The following ARRB2 variants were observed in gnomAD, a reference collection of about 807,000 sequenced individuals.
The protein encoded by ARRB2 is arrestin beta 2.
In ARRB2, 21 loss-of-function variants were observed where a neutral mutation model predicts 53.4. The ratio of observed to expected loss-of-function variants is 0.39; its 90% CI spans 0.28 to 0.57. ARRB2 has a LOEUF of 0.57. Ranked by LOEUF, ARRB2 falls within the 20% of genes least tolerant of loss-of-function variation. The probability of loss-of-function intolerance (pLI) is 0.55; values close to 1 mark genes in which losing one functional copy is unlikely to be tolerated. For missense variants in ARRB2, 369 were observed against 527.5 expected, an observed-to-expected ratio of 0.70 and a Z score of 2.94; for synonymous variants, 180 against 212.9, an observed-to-expected ratio of 0.85 and a Z score of 1.34.
chr17:4,718,643 C>T lies in ARRB2; in HGVS notation c.738C>T (p.Ser246=). Residue 246 remains serine (S), a synonymous_variant, in exon 10 of 15, where the codon AGC becomes AGT. Transcript: ENST00000269260. ...VRQYADICLF[S]TAQYKCPVAQ... is the part of the protein sequence containing the mutation. ...AGTACGCCGACATCTGCCTCTTCAGCACCGCCCAGTACAAGTGTCCTGTGG... is the reference window on the plus strand; with the variant it reads ...AGTACGCCGACATCTGCCTCTTCAGTACCGCCCAGTACAAGTGTCCTGTGG... The T allele has an allele frequency of 6.2e-6, 10 of 1,613,840 alleles. No individual in the cohort carries two copies. The highest frequency in any genetic ancestry group is 6.8e-6 in the Non-Finnish European group (8 of 1,180,014).
At chr17:4,711,775 G>A (rs1158680119) in intron 1 of ARRB2, among the ~76,000 whole-genome samples, 1 of 152,164 alleles carries the variant, frequency 6.6e-6, no homozygotes, top group Non-Finnish European at 1.5e-5. Context: ...TTTCCGTCAT[G>A]TGGTTCAGGG....
At chr17:4,720,343 C>A (rs1349739927) in intron 12 of ARRB2, 44 bp downstream of exon 12, 10 of 1,613,804 alleles carry the variant, frequency 6.2e-6, no homozygotes, top group Non-Finnish European at 8.5e-6. Context: ...CACTGGCTCT[C>A]TCTAGTCCCA....
chr17:4,715,341 G>T (rs995750853), intron 2 of ARRB2: 7 of 442,566 alleles, frequency 1.6e-5, no homozygotes, highest in Non-Finnish European at 2.8e-5. Flanking sequence ...CCCAAGGTGC[G>T]TGGGGCTGGG....
chr17:4,715,577 A>ACACACACACG lies in ARRB2; in HGVS notation c.55-395_55-386dup, dbSNP rs1414096487. 6 of 332,594 alleles carry ACACACACACG rather than the reference A, an allele frequency of 1.8e-5. No individual in the cohort carries two copies. In the East Asian group the frequency reaches 3.7e-4, roughly 21 times the overall value. The allele number at this position is 332,594 out of a possible 1,614,324, so 20.6% of individuals were successfully genotyped here. A position where few individuals can be genotyped will look rare whatever the true frequency, so the allele number is the denominator to read the frequency against. On this transcript the variant is annotated intron_variant, in intron 2 of 14. Coordinates refer to ENST00000269260, the MANE Select transcript of ARRB2 (RefSeq NM_004313.4). ...CAAACACACACACACGGACACACAC[A>ACACACACACG]CACACACACGGACACACACAAACAC...
chr17:4,715,113 G>A (rs1189360320), intron 2 of ARRB2, 70 bp downstream of exon 2: 9 of 1,535,490 alleles, frequency 5.9e-6, no homozygotes, highest in Middle Eastern at 1.7e-4. Context: ...TCCCCTAGAC[G>A]ATCCCCAACC....
chr17:4,715,178 C>G, intron 2 of ARRB2, 135 bp downstream of exon 2: 1 of 1,042,158 alleles, frequency 9.6e-7, no homozygotes, highest in Non-Finnish European at 1.4e-6. Context: ...CAGCTAAGCG[C>G]CGACTTCCTT....
chr17:4,716,105 A>C (rs1915001703), intron 3 of ARRB2, 42 bp from the exon 4 acceptor site: 4 of 1,613,912 alleles, frequency 2.5e-6, no homozygotes, highest in Admixed American at 3.3e-5. Context: ...GAAAGCGGGG[A>C]GCGGCCCTTT....
Position 4,713,488 on chromosome 17 carries a change from G to A in ARRB2, c.24-1525G>A, listed in dbSNP as rs142706735. Among the ~76,000 whole-genome samples the A allele has an allele frequency of 3.0e-3, 458 of 152,196 alleles. 4 individuals carry two copies. The highest frequency in any genetic ancestry group is 8.1e-3 in the South Asian group (39 of 4,830). ...TCTACTAAAAATACCAAAATTCGCC[G>A]GGCGTGGTGGTGGGTGCCTGTAGTC... On this transcript the variant is annotated intron_variant, in intron 1 of 14. Coordinates refer to ENST00000269260, the MANE Select transcript of ARRB2 (RefSeq NM_004313.4).
In ARRB2 at chr17:4,715,968, C is replaced by T. The variant is rs773593512; in HGVS notation, c.55-5C>T. On this transcript the variant is annotated splice_polypyrimidine_tract_variant and splice_region_variant and intron_variant, in intron 2 of 14. Coordinates refer to ENST00000269260, the MANE Select transcript of ARRB2 (RefSeq NM_004313.4). ...ATCTCCCCTGTGACCCCTTGACATCCTCAGCTCACCGTGTACTTGGGCAAG... is the reference window on the plus strand; with the variant it reads ...ATCTCCCCTGTGACCCCTTGACATCTTCAGCTCACCGTGTACTTGGGCAAG... The T allele has an allele frequency of 2.8e-5, 46 of 1,614,072 alleles. 2 individuals carry two copies. In the South Asian group the frequency reaches 4.5e-4, roughly 16 times the overall value.
chr17:4,717,064 C>A lies in ARRB2; in HGVS notation c.358-153C>A. The A allele has an allele frequency of 1.2e-6, 1 of 853,194 alleles. No homozygotes were observed. Among genetic ancestry groups the A allele is most frequent in the Non-Finnish European group, 1.9e-6 (1 of 520,422 alleles). The allele number at this position is 853,194 out of a possible 1,614,324, so 52.9% of individuals were successfully genotyped here. On this transcript the variant is annotated intron_variant, in intron 5 of 14. Coordinates refer to ENST00000269260, the MANE Select transcript of ARRB2 (RefSeq NM_004313.4). This position sits in a 1 kb window ranked among gnomAD's most constrained non-coding sequence, Gnocchi z 6.0. The stretch of plus-strand genomic sequence containing the variant: ...GGTCAGGCTGGTCTGGAACCCCTGA[C>A]CTCAGGTGATCCGCCCACCTTAGCC...
At chr17:4,719,753 G>C (rs1296128078) in intron 11 of ARRB2, among the ~76,000 whole-genome samples, 2 of 152,152 alleles carry the variant, frequency 1.3e-5, no homozygotes, top group Non-Finnish European at 2.9e-5. Context: ...ACTCAGAGGT[G>C]GGGCAGCCTG....
At chr17:4,715,178 C>T in intron 2 of ARRB2, 135 bp downstream of exon 2, 2 of 1,042,158 alleles carry the variant, frequency 1.9e-6, no homozygotes, top group Non-Finnish European at 2.7e-6. Context: ...CAGCTAAGCG[C>T]CGACTTCCTT....
chr17:4,716,445 G>C lies in ARRB2; in HGVS notation c.194G>C (p.Gly65Ala). The change falls in exon 5 of 15, where the codon GGC (glycine) becomes GCC (alanine). Residue 65 changes from glycine to alanine, a missense_variant. By Grantham distance (60) the Gly-to-Ala change is moderately conservative. Transcript: ENST00000269260. ...FVTLTCAFRY[G>A]REDLDVLGLS... ...ACCCTCACCTGCGCCTTCCGCTATG[G>C]CCGTGAAGACCTGGATGTGCTGGGC... 2 of 1,614,170 alleles carry C rather than the reference G, an allele frequency of 1.2e-6. No individual in the cohort carries two copies. The highest frequency in any genetic ancestry group is 1.7e-6 in the Non-Finnish European group (2 of 1,180,024).
rs1261599511 is a variant in ARRB2 at position 4,716,013 on chromosome 17, T to C, written c.95T>C (p.Leu32Pro). The C allele has an allele frequency of 6.2e-7, 1 of 1,614,186 alleles. No individual in the cohort carries two copies. Among genetic ancestry groups the C allele is most frequent in the Non-Finnish European group, 8.5e-7 (1 of 1,180,014 alleles). ...GGCAAGCGGGACTTCGTAGATCACC[T>C]GGACAAAGTGGACCCTGTAGGTAAG... ...YLGKRDFVDH[L>P]DKVDPVDGVV... Residue 32 changes from leucine to proline, a missense_variant, in exon 3 of 15, where the codon CTG becomes CCG. Physicochemically the swap from Leu to Pro is moderately conservative, Grantham distance 98. Coordinates refer to ENST00000269260, the MANE Select transcript of ARRB2 (RefSeq NM_004313.4).
chr17:4,714,545 T>G, intron 1 of ARRB2: 1 of 245,650 alleles, frequency 4.1e-6, no homozygotes, highest in South Asian at 8.7e-5. Context: ...CGAATGAGGG[T>G]GGACAAGACA....
At chr17:4,712,975 AT>A (rs768645703) in intron 1 of ARRB2, among the ~76,000 whole-genome samples, 7 of 152,154 alleles carry the variant, frequency 4.6e-5, no homozygotes, top group East Asian at 1.9e-4. Context: ...GTTTTATTTA[AT>A]TTAATTAATT....
At chr17:4,715,252 C>T in intron 2 of ARRB2, 1 of 608,898 alleles carries the variant, frequency 1.6e-6, no homozygotes, top group Non-Finnish European at 2.8e-6. Context: ...CTGGGTGGGG[C>T]AGGCTTGGGT....
At position 4,720,358 on chromosome 17, in the gene ARRB2, G is replaced by A. The variant is rs754777513; in HGVS notation, c.1002-35G>A. ...CACTGGCTCTCTCTAGTCCCATGTC[G>A]TCGTCCTCTTCACGATGCCTCTCCC... On this transcript the variant is annotated intron_variant, in intron 12 of 14. Coordinates refer to ENST00000269260, the MANE Select transcript of ARRB2 (RefSeq NM_004313.4). 102 of 1,611,604 alleles carry A rather than the reference G, an allele frequency of 6.3e-5. 1 individual carries two copies. The highest frequency in any genetic ancestry group is 6.0e-4 in the East Asian group (27 of 44,874).
chr17:4,715,518 C>CACACACACACACACACACA, intron 2 of ARRB2: 1 of 253,438 alleles, frequency 3.9e-6, no homozygotes. Context: ...TACACACACA[C>CACACACACACACACACACA]CTGGCTGGTT....
Sources: allele counts gnomAD v4.1 joint callset (sites outside exome capture counted in the v4.1 genomes callset), GRCh38; gene constraint gnomAD v4.1.1; non-coding constraint Gnocchi (gnomAD v3.1); transcripts MANE v1.5; gene names NCBI Gene and HGNC (gene_info 2026-07-23, HGNC 2026-07-21).